GFRA1: variants seen among roughly 807,000 people sequenced by gnomAD.
GFRA1 encodes GDNF family receptor alpha-1.
In GFRA1, 16 loss-of-function variants were observed where a neutral mutation model predicts 51.6. The ratio of observed to expected loss-of-function variants is 0.31; its 90% CI spans 0.21 to 0.47. The LOEUF (loss-of-function observed/expected upper bound fraction) is 0.47. Among genes scored for constraint, GFRA1 ranks in the 20% least tolerant of loss-of-function variants. GFRA1 has a pLI of 1.00. For missense variants in GFRA1, 530 were observed against 594.3 expected (o/e 0.89, Z 1.13); for synonymous variants, 270 against 241.3 (o/e 1.12, Z -1.10).
At chr10:116,117,903 T>C (rs1442500890) in intron 6 of GFRA1, among the ~76,000 whole-genome samples, 1 of 152,092 alleles carries the variant, frequency 6.6e-6, no homozygotes, top group Non-Finnish European at 1.5e-5. Flanking sequence ...AAGACTCTGT[T>C]CCCCTTTGGC....
chr10:116,226,148 C>A (rs1966279712), intron 4 of GFRA1, among the ~76,000 whole-genome samples: 1 of 152,174 alleles, frequency 6.6e-6, no homozygotes, highest in Non-Finnish European at 1.5e-5. Flanking sequence ...GAAGTCCACT[C>A]AGCAGTTATA....
intron 5 of GFRA1, among the ~76,000 whole-genome samples, chr10:116,199,612 A>G (rs1964169887): frequency 6.6e-6 from 1 of 152,196 alleles, no homozygotes; most frequent in African/African-American, 2.4e-5. Flanking sequence ...ATATAAATAC[A>G]TTTTATTTCA....
intron 6 of GFRA1, among the ~76,000 whole-genome samples, chr10:116,117,785 G>A (rs1181120976): frequency 6.6e-6 from 1 of 152,018 alleles, no homozygotes; most frequent in Non-Finnish European, 1.5e-5. Context: ...AGAAATGGGC[G>A]GAGAAACAGA....
intron 6 of GFRA1, among the ~76,000 whole-genome samples, chr10:116,109,445 TA>T (rs1341517736): frequency 6.6e-6 from 1 of 152,164 alleles, no homozygotes; most frequent in Non-Finnish European, 1.5e-5. Context: ...GCTTGTAGCT[TA>T]AAAACATAAA....
At chr10:116,088,920 CAAAAAAAA>C (rs58590152) in intron 9 of GFRA1, among the ~76,000 whole-genome samples, 5 of 49,050 alleles carry the variant, frequency 1.0e-4, no homozygotes, top group East Asian at 8.8e-4. Flanking sequence ...GACTCTGTCT[CAAAAAAAA>C]AAAAAAAAAA....
rs571075700 is a variant in GFRA1 at position 116,251,067 on chromosome 10, T to C, written c.418+18436A>G. On this transcript the variant is annotated intron_variant, in intron 4 of 10. Coordinates refer to ENST00000355422, the MANE Select transcript of GFRA1 (RefSeq NM_005264.8). ...GATTTCCACGTGTAAAAGGGTCCCCTTCTCCCCTCTGTTCCCTTCTGTATC... is the reference window on the plus strand; with the variant it reads ...GATTTCCACGTGTAAAAGGGTCCCCCTCTCCCCTCTGTTCCCTTCTGTATC... 2.0e-5 allele frequency among the ~76,000 whole-genome samples: 3 copies of C among 152,356 alleles called. No individual in the cohort carries two copies. In the East Asian group the frequency reaches 5.8e-4, roughly 29 times the overall value.
At chr10:116,139,311 A>T (rs1958466013) in intron 5 of GFRA1, among the ~76,000 whole-genome samples, 1 of 152,210 alleles carries the variant, frequency 6.6e-6, no homozygotes, top group African/African-American at 2.4e-5. Flanking sequence ...CACTACATCA[A>T]ATAAGATCCC....
rs540968181 is a variant in GFRA1, at chr10:116,062,334, C to T, written c.*2064G>A. On this transcript the variant is annotated 3_prime_UTR_variant, in exon 11 of 11. Coordinates refer to ENST00000355422, the MANE Select transcript of GFRA1 (RefSeq NM_005264.8). The stretch of plus-strand genomic sequence containing the variant: ...CATTCCAAATATTTTGACACACTTA[C>T]TTAATGTGTTTATTCAAAGTAAGAG... 1.3e-3 allele frequency: 492 copies of T among 390,398 alleles called. 15 individuals are homozygous for T. In the South Asian group the frequency reaches 0.061, roughly 48 times the overall value. The allele number at this position is 390,398 out of a possible 1,614,324, so 24.2% of individuals were successfully genotyped here. A position where few individuals can be genotyped will look rare whatever the true frequency, so the allele number is the denominator to read the frequency against.
intron 5 of GFRA1, among the ~76,000 whole-genome samples, chr10:116,183,673 T>TG (rs911034707): frequency 6.6e-6 from 1 of 152,058 alleles, no homozygotes; most frequent in Non-Finnish European, 1.5e-5. Flanking sequence ...TTGGGACACT[T>TG]GGTCTTCTCT....
intron 9 of GFRA1, among the ~76,000 whole-genome samples, chr10:116,081,849 T>C (rs1206467567): frequency 6.6e-6 from 1 of 152,240 alleles, no homozygotes; most frequent in African/African-American, 2.4e-5. Context: ...AATATTTATA[T>C]ATTGATTTTA....
intron 4 of GFRA1, among the ~76,000 whole-genome samples, chr10:116,218,618 C>T (rs1965720640): frequency 6.6e-6 from 1 of 152,168 alleles, no homozygotes; most frequent in South Asian, 2.1e-4. Flanking sequence ...CAAAGCCAGA[C>T]AGCTCAGGCA....
At chr10:116,105,970 A>G (rs948521704) in intron 6 of GFRA1, among the ~76,000 whole-genome samples, 9 of 152,166 alleles carry the variant, frequency 5.9e-5, no homozygotes, top group Non-Finnish European at 1.0e-4. Flanking sequence ...AGGTAGGGAG[A>G]GTATCCCGGA....
chr10:116,205,926 T>TCACA (rs55780139), intron 5 of GFRA1, among the ~76,000 whole-genome samples: 45,185 of 142,184 alleles, frequency 0.32, 7,816 homozygotes, highest in East Asian at 0.39. Flanking sequence ...TTTCCTCATA[T>TCACA]CACACACACA....
At chr10:116,260,917 A>G (rs1969252407) in intron 4 of GFRA1, among the ~76,000 whole-genome samples, 1 of 152,202 alleles carries the variant, frequency 6.6e-6, no homozygotes, top group Non-Finnish European at 1.5e-5. Context: ...TTTAAAAAAA[A>G]TCTGAGGGCT....
intron 5 of GFRA1, among the ~76,000 whole-genome samples, chr10:116,196,829 A>G (rs1225515600): frequency 9.9e-6 from 1 of 101,350 alleles, no homozygotes; most frequent in Non-Finnish European, 2.1e-5. Context: ...AAAAATACTT[A>G]TAAATATATA....
chr10:116,250,170 G>C lies in GFRA1; in HGVS notation c.418+19333C>G, dbSNP rs1968211488. ...TGGGAAATGGGGCTTGATGAGGCCA[G>C]AAAAGTGGGCAAGGACTTGATTCTT... is the stretch of plus-strand genomic sequence containing the variant. On this transcript the variant is annotated intron_variant, in intron 4 of 10. Coordinates refer to ENST00000355422, the MANE Select transcript of GFRA1 (RefSeq NM_005264.8). Among the ~76,000 whole-genome samples the C allele has an allele frequency of 3.3e-5, 5 of 152,198 alleles. No homozygotes were observed. In the South Asian group the frequency reaches 1.0e-3, roughly 31 times the overall value.
intron 5 of GFRA1, among the ~76,000 whole-genome samples, chr10:116,196,753 TTATATATTA>T (rs1297362076): frequency 3.5e-5 from 3 of 84,750 alleles, no homozygotes; most frequent in South Asian, 3.6e-4. Context: ...ATAATATATA[TTATATATTA>T]TATATATAAT....
At chr10:116,166,583 A>G (rs745877263) in intron 5 of GFRA1, among the ~76,000 whole-genome samples, 2 of 151,814 alleles carry the variant, frequency 1.3e-5, no homozygotes, top group Admixed American at 1.3e-4. Flanking sequence ...AGCCTCTACT[A>G]TGTGACCCTG....
chr10:116,102,929 G>C (rs1956872871), intron 6 of GFRA1, among the ~76,000 whole-genome samples: 2 of 152,124 alleles, frequency 1.3e-5, no homozygotes. Context: ...ACCCAACGTG[G>C]ACATTAGAGA....
Sources: gnomAD v4.1 joint callset for allele counts (sites outside exome capture counted in the v4.1 genomes callset) on GRCh38, gnomAD v4.1.1 for gene constraint, MANE v1.5 for transcripts, NCBI Gene and HGNC (gene_info 2026-07-23, HGNC 2026-07-21) for gene names.